IPO11: variants seen among roughly 807,000 people sequenced by gnomAD.
The protein encoded by IPO11 is importin-11.
In IPO11, 66 loss-of-function variants were observed where a neutral mutation model predicts 143.2. That is an observed-to-expected ratio of 0.46 (90% CI 0.38 to 0.57). The LOEUF (loss-of-function observed/expected upper bound fraction) is 0.57. Ranked by LOEUF, IPO11 falls within the 20% of genes least tolerant of loss-of-function variation. IPO11 has a pLI of 0.00. For synonymous variants in IPO11, 385 were observed against 377.8 expected, an observed-to-expected ratio of 1.02 and a Z score of -0.22; for missense variants, 1,026 against 1,141.0, an observed-to-expected ratio of 0.90 and a Z score of 1.45.
chr5:62,594,078 A>G (rs1171145631), intron 28 of IPO11, among the ~76,000 whole-genome samples: 1 of 152,220 alleles, frequency 6.6e-6, no homozygotes, highest in African/African-American at 2.4e-5. Flanking sequence ...TTCTTATTAT[A>G]GTCTCTTAAC....
rs143426874 is a variant in IPO11 at position 62,437,433 on chromosome 5, A to G, written c.138+16A>G. 1.7e-4 allele frequency: 266 copies of G among 1,587,328 alleles called. 1 individual carries two copies. In the East Asian group the frequency reaches 5.9e-3, roughly 35 times the overall value. ...AGTGTTGCTGGTAAGTTGTTCTAAA[A>G]TTGTTTGCTTTTCTTTTTAATAAAA... On this transcript the variant is annotated intron_variant, in intron 2 of 29. Coordinates refer to ENST00000325324, the MANE Select transcript of IPO11 (RefSeq NM_016338.5).
chr5:62,551,531 T>A (rs1378236458), intron 26 of IPO11, among the ~76,000 whole-genome samples, 195 bp downstream of exon 26: 1 of 152,186 alleles, frequency 6.6e-6, no homozygotes, highest in African/African-American at 2.4e-5. Context: ...CTTATACATT[T>A]TTGTCCTCGC....
intron 26 of IPO11, among the ~76,000 whole-genome samples, chr5:62,556,035 C>T (rs750071191): frequency 2.2e-4 from 34 of 152,132 alleles, no homozygotes; most frequent in Non-Finnish European, 3.2e-4. Context: ...CTGATTAAAT[C>T]CAAATGCAAT....
intron 20 of IPO11, among the ~76,000 whole-genome samples, chr5:62,516,350 G>T (rs1742020320): frequency 6.6e-6 from 1 of 151,988 alleles, no homozygotes. Context: ...CTGGAGCACA[G>T]TGGCGCGATC....
chr5:62,620,754 T>G (rs554635443), intron 29 of IPO11, among the ~76,000 whole-genome samples: 10 of 152,320 alleles, frequency 6.6e-5, no homozygotes, highest in African/African-American at 1.9e-4. Flanking sequence ...TAAATGTCTC[T>G]TATCAGACTT....
At chr5:62,467,318 C>T (rs1745606814) in intron 6 of IPO11, 55 bp downstream of exon 6, 4 of 1,521,368 alleles carry the variant, frequency 2.6e-6, no homozygotes, top group African/African-American at 2.8e-5. Flanking sequence ...AGAACAGTCA[C>T]CAAATAGTTC....
chr5:62,513,155 G>T (rs1166297297), intron 19 of IPO11, among the ~76,000 whole-genome samples: 1 of 151,106 alleles, frequency 6.6e-6, no homozygotes, highest in East Asian at 2.0e-4. Flanking sequence ...TTCCCAGTAG[G>T]GGCGGCCGGG....
rs553896524 is a variant in IPO11, at chr5:62,540,377, T to G, written c.2250+3088T>G. Among the ~76,000 whole-genome samples the G allele has an allele frequency of 4.3e-4, 66 of 152,348 alleles. 2 individuals carry two copies. In the South Asian group the frequency reaches 6.6e-3, roughly 15 times the overall value. On this transcript the variant is annotated intron_variant, in intron 24 of 29. Transcript: ENST00000325324. ...TAAATTGTAATATATGTATTCTAAG[T>G]GATTAAGAAAAGAGGTGATTTCTCA...
intron 24 of IPO11, 53 bp downstream of exon 24, chr5:62,537,342 A>C: frequency 8.6e-7 from 1 of 1,164,460 alleles, no homozygotes; most frequent in South Asian, 1.3e-5. Context: ...TTTATATTTT[A>C]TGAAATTGGA....
At chr5:62,510,595 C>T (rs1741711781) in intron 19 of IPO11, among the ~76,000 whole-genome samples, 1 of 152,138 alleles carries the variant, frequency 6.6e-6, no homozygotes, top group African/African-American at 2.4e-5. Flanking sequence ...AGTCAGTATT[C>T]AGATTTCCTT....
intron 28 of IPO11, among the ~76,000 whole-genome samples, chr5:62,594,735 A>G (rs545564793): frequency 5.3e-5 from 8 of 152,332 alleles, no homozygotes; most frequent in African/African-American, 1.4e-4. Flanking sequence ...TACACCAGGC[A>G]CTGTGTAGTG....
rs1178538856 is a variant in IPO11, at chr5:62,412,841, T to A, written c.-95T>A. 1 of 152,660 alleles carries A rather than the reference T, an allele frequency of 6.6e-6. No homozygotes were observed. The highest frequency in any genetic ancestry group is 2.4e-5 in the African/African-American group (1 of 41,448). The allele number at this position is 152,660 out of a possible 1,614,324, so 9.5% of individuals were successfully genotyped here. A position where few individuals can be genotyped will look rare whatever the true frequency, so the allele number is the denominator to read the frequency against. On this transcript the variant is annotated 5_prime_UTR_variant, in exon 1 of 30. Transcript: ENST00000325324. Reference sequence around the variant, plus strand: ...CATCAGTAGGCGGCGGCGTGGGGTCTGGCAGCGTGGGGAGAGGGACCAACC... The same window carrying A: ...CATCAGTAGGCGGCGGCGTGGGGTCAGGCAGCGTGGGGAGAGGGACCAACC...
chr5:62,456,388 A>T (rs1204900948), intron 5 of IPO11, among the ~76,000 whole-genome samples: 1 of 152,172 alleles, frequency 6.6e-6, no homozygotes, highest in African/African-American at 2.4e-5. Flanking sequence ...TAAAATCCAA[A>T]GTCACTAAAA....
chr5:62,476,269 CA>C lies in IPO11; in HGVS notation c.758-405del, dbSNP rs200373308. ...GCTGGTGGACATTGTTCTGAATGTA[CA>C]AAAAAAAATCGCCAGGGAAATTATC... On this transcript the variant is annotated intron_variant, in intron 8 of 29. Transcript: ENST00000325324. Among the ~76,000 whole-genome samples, 1,171 of 149,482 alleles carry C rather than the reference CA, an allele frequency of 7.8e-3. 8 individuals are homozygous for C. Among genetic ancestry groups the C allele is most frequent in the Non-Finnish European group, 0.012 (811 of 67,284 alleles).
intron 1 of IPO11, among the ~76,000 whole-genome samples, chr5:62,414,321 C>A (rs1475299605): frequency 1.3e-5 from 2 of 151,948 alleles, no homozygotes; most frequent in African/African-American, 4.8e-5. Context: ...TTTTTCTCAG[C>A]AATAAAAATA....
chr5:62,477,941 AAATAG>A, intron 9 of IPO11, among the ~76,000 whole-genome samples: 1 of 152,306 alleles, frequency 6.6e-6, no homozygotes, highest in Non-Finnish European at 1.5e-5. Flanking sequence ...GAACATTTCA[AAATAG>A]AATAAAGTTA....
Position 62,453,541 on chromosome 5 carries a change from C to T in IPO11, c.516+1608C>T, listed in dbSNP as rs1003585940. 2.6e-5 allele frequency among the ~76,000 whole-genome samples: 4 copies of T among 152,086 alleles called. 1 individual carries two copies. The highest frequency in any genetic ancestry group is 7.2e-5 in the African/African-American group (3 of 41,380). On this transcript the variant is annotated intron_variant, in intron 5 of 29. Transcript: ENST00000325324. ...ACAAAGAATTGGCCAACTTTTTGTT[C>T]TGAGGACTCAATTTTGTCTTGGGCT...
intron 4 of IPO11, among the ~76,000 whole-genome samples, chr5:62,450,788 T>C (rs1478398968): frequency 2.6e-5 from 4 of 152,170 alleles, no homozygotes; most frequent in African/African-American, 4.8e-5. Context: ...TATCTTTTTT[T>C]TTATATTGAG....
chr5:62,460,932 A>G (rs1045623083), intron 5 of IPO11, among the ~76,000 whole-genome samples: 1 of 152,190 alleles, frequency 6.6e-6, no homozygotes, highest in African/African-American at 2.4e-5. Flanking sequence ...TGGAGCAGAT[A>G]GGAGGTATAC....
Sources: gnomAD v4.1 joint callset for allele counts (sites outside exome capture counted in the v4.1 genomes callset) on GRCh38, gnomAD v4.1.1 for gene constraint, MANE v1.5 for transcripts, NCBI Gene and HGNC (gene_info 2026-07-23, HGNC 2026-07-21) for gene names.